The following CD84 variants were observed in gnomAD, a reference collection of about 807,000 sequenced individuals.
CD84 encodes CD84 molecule, also known as SLAM family member 5.
CD84 carries 22 observed loss-of-function variants against 33.8 expected under a neutral mutation model. The observed-to-expected ratio is 0.65, with a 90% CI of 0.46 to 0.93. The LOEUF is 0.93. Ranked by LOEUF, CD84 falls within the 40% of genes least tolerant of loss-of-function variation. The probability of loss-of-function intolerance (pLI) is 0.00; values close to 1 mark genes in which losing one functional copy is unlikely to be tolerated. For missense variants in CD84, 400 were observed against 397.6 expected (o/e 1.01, Z -0.05); for synonymous variants, 154 against 145.2 (o/e 1.06, Z -0.44).
chr1:160,552,933 A>G (rs1021035821), intron 4 of CD84: 1 of 601,180 alleles, frequency 1.7e-6, no homozygotes, highest in African/African-American at 1.8e-5. Context: ...ATCCAGAGGG[A>G]TTCAGAGGGA....
chr1:160,569,176 G>A (rs1291187120), intron 1 of CD84, among the ~76,000 whole-genome samples: 1 of 152,166 alleles, frequency 6.6e-6, no homozygotes, highest in Non-Finnish European at 1.5e-5. Context: ...GGCCATACTG[G>A]AGCATATATC....
Position 160,553,434 on chromosome 1 carries a change from A to G in CD84, c.704T>C (p.Leu235Pro). 1 of 1,614,188 alleles carries G rather than the reference A, an allele frequency of 6.2e-7. No individual in the cohort carries two copies. Among genetic ancestry groups the G allele is most frequent in the Non-Finnish European group, 8.5e-7 (1 of 1,180,038 alleles). The stretch of plus-strand genomic sequence containing the variant: ...CACTGAAGACAGAATGAGAACAAGC[A>G]GAAAGAACATAGCCAGCACGCTCAG... ...GLLSVLAMFF[L>P]LVLILSSVFL... Residue 235 changes from leucine (L) to proline (P), a missense_variant, in exon 4 of 7, where the codon CTG (leucine) becomes CCG (proline). Coordinates refer to ENST00000368054, the MANE Select transcript of CD84 (RefSeq NM_003874.4).
In CD84 at chr1:160,565,410, T is replaced by C. The variant is rs376492782; in HGVS notation, c.382A>G (p.Ile128Val). 29 of 1,595,274 alleles carry C rather than the reference T, an allele frequency of 1.8e-5. No individual in the cohort carries two copies. In the African/African-American group the frequency reaches 3.8e-4, roughly 21 times the overall value. Residue 128 changes from isoleucine to valine, a missense_variant, in exon 2 of 7, where the codon ATC (isoleucine) becomes GTC (valine). Ile to Val is a conservative substitution (Grantham distance 29). Coordinates refer to ENST00000368054, the MANE Select transcript of CD84 (RefSeq NM_003874.4). ...CCGTCTTCCCATGACTTACGATAGATTTGCAGGTTGTAGCGCTTGGTGGTG... is the reference window on the plus strand; with the variant it reads ...CCGTCTTCCCATGACTTACGATAGACTTGCAGGTTGTAGCGCTTGGTGGTG... Reference protein sequence around the residue: ...YTTTKRYNLQIYRRLGKPKIT... With the variant: ...YTTTKRYNLQVYRRLGKPKIT...
chr1:160,546,068 A>C lies in CD84; in HGVS notation c.*2188T>G, dbSNP rs901514381. ...CAGTGGTGTGATCTCAGCTCACTGC[A>C]ACCTCCACTTCCTGGGTTCAAGCGA... is the stretch of plus-strand genomic sequence containing the variant. On this transcript the variant is annotated 3_prime_UTR_variant, in exon 7 of 7. Coordinates refer to ENST00000368054, the MANE Select transcript of CD84 (RefSeq NM_003874.4). 6.7e-6 allele frequency: 1 copy of C among 149,908 alleles called. No individual in the cohort carries two copies. Among genetic ancestry groups the C allele is most frequent in the African/African-American group, 2.5e-5 (1 of 40,766 alleles). 9.3% of individuals were successfully genotyped at this position (149,908 alleles called of 1,614,324 possible).
intron 5 of CD84, 89 bp downstream of exon 5, chr1:160,550,849 A>G (rs1656165850): frequency 6.3e-7 from 1 of 1,590,082 alleles, no homozygotes; most frequent in African/African-American, 1.4e-5. Context: ...GCTGCTTTCT[A>G]GACAACAACA....
chr1:160,571,653 A>G (rs1657700690), intron 1 of CD84, among the ~76,000 whole-genome samples: 1 of 152,086 alleles, frequency 6.6e-6, no homozygotes, highest in Non-Finnish European at 1.5e-5. Flanking sequence ...GTTTTAAAAT[A>G]GAAGAGACTG....
intron 1 of CD84, among the ~76,000 whole-genome samples, chr1:160,570,496 C>T (rs1657623781): frequency 2.0e-5 from 3 of 152,128 alleles, no homozygotes; most frequent in South Asian, 2.1e-4. Flanking sequence ...TTCTAGCTAA[C>T]GTTGGTCATA....
chr1:160,565,498 A>G lies in CD84; in HGVS notation c.294T>C (p.Asp98=), dbSNP rs1334354107. ...AGTCTCCTGCGTCTTCCATCCTCAG[A>G]TCGCTAATGACCAGATTGTAGTTCG... The part of the protein sequence containing the change: ...LGPNYNLVIS[D]LRMEDAGDYK... The change falls in exon 2 of 7, where the codon GAT becomes GAC. Residue 98 remains aspartate, a synonymous_variant. Transcript: ENST00000368054. The G allele has an allele frequency of 6.2e-7, 1 of 1,613,924 alleles. No individual in the cohort carries two copies. Among genetic ancestry groups the G allele is most frequent in the Non-Finnish European group, 8.5e-7 (1 of 1,179,884 alleles).
chr1:160,566,008 C>T (rs1356164704), intron 1 of CD84, among the ~76,000 whole-genome samples: 3 of 152,138 alleles, frequency 2.0e-5, no homozygotes, highest in African/African-American at 7.2e-5. Flanking sequence ...CCTAGACTTA[C>T]AGACTCTGAA....
chr1:160,577,590 T>C (rs1289462399), intron 1 of CD84, among the ~76,000 whole-genome samples: 1 of 152,186 alleles, frequency 6.6e-6, no homozygotes, highest in Non-Finnish European at 1.5e-5. Context: ...TTCTCCTGTT[T>C]ATGTTCCTTG....
intron 4 of CD84, 24 bp from the exon 5 acceptor site, chr1:160,551,059 C>A (rs114207034): frequency 6.4e-7 from 1 of 1,555,198 alleles, no homozygotes; most frequent in Admixed American, 1.7e-5. Flanking sequence ...AAATATAGAC[C>A]CACAGTCTGT....
At position 160,545,731 on chromosome 1, in the gene CD84, G is replaced by A. The variant is rs11586925; in HGVS notation, c.*2525C>T. ...TGCAACCTCCACCTCCCAGGTTCAA[G>A]CAATTCTCCCACCTCAGCCTCCCAA... On this transcript the variant is annotated 3_prime_UTR_variant, in exon 7 of 7. Coordinates refer to ENST00000368054, the MANE Select transcript of CD84 (RefSeq NM_003874.4). The A allele has an allele frequency of 0.012, 1,879 of 152,412 alleles. 14 individuals carry two copies. The highest frequency in any genetic ancestry group is 0.03 in the Middle Eastern group (9 of 300). The allele number at this position is 152,412 out of a possible 1,614,324, so 9.4% of individuals were successfully genotyped here.
intron 1 of CD84, among the ~76,000 whole-genome samples, chr1:160,574,487 T>C (rs914081313): frequency 1.1e-4 from 16 of 152,016 alleles, no homozygotes; most frequent in African/African-American, 3.9e-4. Flanking sequence ...AGTCAGAGGG[T>C]TCTAGTTGGT....
rs1323398425 is a variant in CD84 at position 160,542,051 on chromosome 1, A to C, written c.*6205T>G. ...GGAGAATGAAGGAGCCAAGGATGAA[A>C]AAGTTTTCTGCCTTGGGTAGCTGCT... On this transcript the variant is annotated 3_prime_UTR_variant, in exon 7 of 7. Transcript: ENST00000368054. 6.6e-6 allele frequency: 1 copy of C among 152,154 alleles called. No individual in the cohort carries two copies. Among genetic ancestry groups the C allele is most frequent in the Non-Finnish European group, 1.5e-5 (1 of 68,036 alleles). 9.4% of individuals were successfully genotyped at this position (152,154 alleles called of 1,614,324 possible). A position where few individuals can be genotyped will look rare whatever the true frequency, so the allele number is the denominator to read the frequency against.
At chr1:160,574,796 A>T (rs187763089) in intron 1 of CD84, among the ~76,000 whole-genome samples, 1 of 152,292 alleles carries the variant, frequency 6.6e-6, no homozygotes, top group East Asian at 1.9e-4. Context: ...GGTGAAGGTA[A>T]TAGTAGCACA....
intron 2 of CD84, among the ~76,000 whole-genome samples, chr1:160,557,836 A>G (rs1656702931): frequency 6.6e-6 from 1 of 152,138 alleles, no homozygotes; most frequent in Admixed American, 6.5e-5. Context: ...GGAGAGTTCA[A>G]ATGATCTGGA....
chr1:160,563,659 G>A (rs1279941034), intron 2 of CD84, among the ~76,000 whole-genome samples: 2 of 152,002 alleles, frequency 1.3e-5, no homozygotes, highest in East Asian at 3.8e-4. Flanking sequence ...CTAGATGATG[G>A]AATGATCTGT....
At chr1:160,557,602 T>C (rs1056972140) in intron 2 of CD84, among the ~76,000 whole-genome samples, 2 of 152,258 alleles carry the variant, frequency 1.3e-5, no homozygotes, top group South Asian at 4.1e-4. Context: ...TAGAAACTAG[T>C]GTTGCCCAAA....
chr1:160,550,702 G>A (rs1656153223), intron 5 of CD84: 4 of 985,264 alleles, frequency 4.1e-6, no homozygotes, highest in Middle Eastern at 1.0e-3. Context: ...GGCCCACTGT[G>A]GGACACTCAG....
Sources: allele counts gnomAD v4.1 joint callset (sites outside exome capture counted in the v4.1 genomes callset), GRCh38; gene constraint gnomAD v4.1.1; transcripts MANE v1.5; gene names NCBI Gene and HGNC (gene_info 2026-07-23, HGNC 2026-07-21).